NCMAP: variants seen among roughly 807,000 people sequenced by gnomAD.
NCMAP encodes noncompact myelin-associated protein.
Under a neutral mutation model 7.8 loss-of-function variants are expected in NCMAP, and 8 were observed. The ratio of observed to expected loss-of-function variants is 1.02; its 90% confidence interval spans 0.60 to 1.84. The LOEUF (loss-of-function observed/expected upper bound fraction) is 1.84. Ranked by LOEUF, NCMAP falls within the 40% of genes most tolerant of loss-of-function variation. The probability of loss-of-function intolerance (pLI) is 0.00; values close to 1 mark genes in which losing one functional copy is unlikely to be tolerated. For missense variants in NCMAP, 112 were observed against 131.4 expected, an observed-to-expected ratio of 0.85 and a Z score of 0.72; for synonymous variants, 41 against 52.9, an observed-to-expected ratio of 0.78 and a Z score of 0.98.
rs113204938 is a variant in NCMAP, at chr1:24,557,830, C to T, written c.-8+1661C>T. 8.1e-4 allele frequency among the ~76,000 whole-genome samples: 124 copies of T among 152,184 alleles called. 1 individual carries two copies. Among genetic ancestry groups the T allele is most frequent in the Middle Eastern group, 3.4e-3 (1 of 294 alleles). On this transcript the variant is annotated intron_variant, in intron 1 of 3. Transcript: ENST00000374392. ...AGCATGGTGCCAAGCCAGCCAGCCG[C>T]GGCGCGTGCGGTGAGCTGGGCATAT... is the stretch of plus-strand genomic sequence containing the variant.
At chr1:24,582,611 T>G (rs1334148677) in intron 1 of NCMAP, among the ~76,000 whole-genome samples, 1 of 152,168 alleles carries the variant, frequency 6.6e-6, no homozygotes, top group Non-Finnish European at 1.5e-5. Context: ...AGCCAAGGAA[T>G]GCAGGCAGCT....
At chr1:24,583,094 G>T (rs1447162387) in intron 1 of NCMAP, among the ~76,000 whole-genome samples, 1 of 152,128 alleles carries the variant, frequency 6.6e-6, no homozygotes, top group East Asian at 1.9e-4. Context: ...CTTGGATAGG[G>T]AGAATAGGAA....
chr1:24,597,399 G>A (rs928245052), intron 2 of NCMAP, among the ~76,000 whole-genome samples: 2 of 150,668 alleles, frequency 1.3e-5, no homozygotes, highest in Non-Finnish European at 2.9e-5. Flanking sequence ...AGCTACTTGG[G>A]AGGCTGAGGC....
intron 1 of NCMAP, chr1:24,564,098 G>T (rs1423185331): frequency 6.6e-6 from 1 of 152,140 alleles, no homozygotes; most frequent in Non-Finnish European, 1.5e-5. Context: ...AGACATAATA[G>T]ATGGCCTGAA....
At chr1:24,571,515 ATT>A (rs918483494) in intron 1 of NCMAP, among the ~76,000 whole-genome samples, 13 of 150,590 alleles carry the variant, frequency 8.6e-5, no homozygotes, top group Admixed American at 2.6e-4. Context: ...AAATTTTGAT[ATT>A]TTATGTAACC....
At chr1:24,563,282 G>A (rs1651108808) in intron 1 of NCMAP, among the ~76,000 whole-genome samples, 1 of 150,944 alleles carries the variant, frequency 6.6e-6, no homozygotes, top group Non-Finnish European at 1.5e-5. Flanking sequence ...AGCAATTTGG[G>A]AGGCCGAGGC....
chr1:24,567,179 G>A (rs564837843), intron 1 of NCMAP, among the ~76,000 whole-genome samples: 2 of 152,204 alleles, frequency 1.3e-5, no homozygotes, highest in South Asian at 4.1e-4. Context: ...ATGCATTCAC[G>A]CATTTATTCA....
In NCMAP at chr1:24,583,833, A is replaced by G. The variant is rs577556810; in HGVS notation, c.-7-11591A>G. 6.6e-5 allele frequency among the ~76,000 whole-genome samples: 10 copies of G among 152,052 alleles called. No homozygotes were observed. The South Asian group carries it at 2.1e-3, about 32-fold the overall frequency. On this transcript the variant is annotated intron_variant, in intron 1 of 3. Coordinates refer to ENST00000374392, the MANE Select transcript of NCMAP (RefSeq NM_001010980.5). ...TACCTCCCGGGGACCAGGATTGCCG[A>G]GGACGGTTTGGAGTAGGAGATCTGA...
At chr1:24,557,626 A>C (rs1035514487) in intron 1 of NCMAP, among the ~76,000 whole-genome samples, 1 of 152,224 alleles carries the variant, frequency 6.6e-6, no homozygotes, top group African/African-American at 2.4e-5. Flanking sequence ...CATGTCCTCT[A>C]AGTGGGGAGA....
intron 1 of NCMAP, among the ~76,000 whole-genome samples, chr1:24,562,696 C>G (rs915921408): frequency 6.6e-6 from 1 of 152,180 alleles, no homozygotes; most frequent in African/African-American, 2.4e-5. Flanking sequence ...CAGCTACAGC[C>G]ATGCTGGAGT....
intron 2 of NCMAP, among the ~76,000 whole-genome samples, chr1:24,597,340 C>G (rs1411630424): frequency 2.6e-5 from 4 of 151,340 alleles, no homozygotes; most frequent in Admixed American, 1.3e-4. Flanking sequence ...ATCTCTACTA[C>G]TAAAAATACA....
At chr1:24,564,200 C>A (rs544608338) in intron 1 of NCMAP, among the ~76,000 whole-genome samples, 2 of 152,086 alleles carry the variant, frequency 1.3e-5, no homozygotes, top group Non-Finnish European at 2.9e-5. Context: ...GAAACAGAGA[C>A]AACACATAGA....
chr1:24,600,793 C>G, intron 2 of NCMAP, 147 bp from the exon 3 acceptor site: 1 of 715,242 alleles, frequency 1.4e-6, no homozygotes, highest in Non-Finnish European at 2.5e-6. Flanking sequence ...ATGTGACTGT[C>G]CTGGGGTCAA....
At chr1:24,562,644 T>C (rs1403997738) in intron 1 of NCMAP, among the ~76,000 whole-genome samples, 1 of 152,222 alleles carries the variant, frequency 6.6e-6, no homozygotes, top group Non-Finnish European at 1.5e-5. Flanking sequence ...CTGCTCTTTG[T>C]CTTGAAACAA....
chr1:24,597,617 G>GAC (rs1322815675), intron 2 of NCMAP, among the ~76,000 whole-genome samples: 56 of 87,518 alleles, frequency 6.4e-4, no homozygotes, highest in African/African-American at 1.6e-3. Context: ...AAGAAAGAAA[G>GAC]AGAAAGAAAG....
At chr1:24,571,416 T>C (rs1651386125) in intron 1 of NCMAP, among the ~76,000 whole-genome samples, 1 of 148,156 alleles carries the variant, frequency 6.7e-6, no homozygotes, top group African/African-American at 2.6e-5. Flanking sequence ...CAGAGGTTGC[T>C]GTGAGTGGAG....
At chr1:24,604,462 C>G (rs111387754) in intron 3 of NCMAP, among the ~76,000 whole-genome samples, 7,693 of 144,480 alleles carry the variant, frequency 0.053, 688 homozygotes, top group African/African-American at 0.19. Flanking sequence ...TGTAGTTCCA[C>G]TTATTTGGGA....
intron 1 of NCMAP, among the ~76,000 whole-genome samples, chr1:24,581,813 G>GC (rs889168123): frequency 6.6e-6 from 1 of 152,204 alleles, no homozygotes; most frequent in Non-Finnish European, 1.5e-5. Flanking sequence ...TAAGCCCTTG[G>GC]CAGGGAGGAA....
chr1:24,604,652 A>ATATATG (rs1652655191), intron 3 of NCMAP, among the ~76,000 whole-genome samples: 1 of 99,084 alleles, frequency 1.0e-5, no homozygotes, highest in Non-Finnish European at 2.0e-5. Context: ...ATATATATAT[A>ATATATG]TGTCAGCAAG....
Sources: allele counts gnomAD v4.1 joint callset (sites outside exome capture counted in the v4.1 genomes callset), GRCh38; gene constraint gnomAD v4.1.1; transcripts MANE v1.5; gene names NCBI Gene and HGNC (gene_info 2026-07-23, HGNC 2026-07-21).